The following RPS6KA2 variants were observed in gnomAD, a reference collection of about 807,000 sequenced individuals.
RPS6KA2 encodes the protein ribosomal protein S6 kinase A2, also known as ribosomal protein S6 kinase alpha-2.
RPS6KA2 carries 42 observed loss-of-function variants against 91.8 expected under a neutral mutation model. The ratio of observed to expected loss-of-function variants is 0.46; its 90% CI spans 0.36 to 0.59. The LOEUF (loss-of-function observed/expected upper bound fraction) is 0.59. Among genes scored for constraint, RPS6KA2 ranks in the 20% least tolerant of loss-of-function variants. The pLI, the probability that RPS6KA2 is intolerant of heterozygous loss-of-function variation, is 0.00. For missense variants in RPS6KA2, 798 were observed against 978.5 expected (o/e 0.82, Z 2.46); for synonymous variants, 414 against 393.6 (o/e 1.05, Z -0.61).
intron 1 of RPS6KA2, among the ~76,000 whole-genome samples, chr6:166,625,916 A>G (rs1786855219): frequency 6.6e-6 from 1 of 152,284 alleles, no homozygotes; most frequent in South Asian, 2.1e-4. Context: ...AGGTCTCTCA[A>G]TGGTTACAGA....
intron 1 of RPS6KA2, among the ~76,000 whole-genome samples, chr6:166,588,427 TC>T (rs1785250832): frequency 6.6e-6 from 1 of 151,982 alleles, no homozygotes; most frequent in Non-Finnish European, 1.5e-5. Context: ...ACACAGAGCA[TC>T]ATGCACCTGA....
intron 1 of RPS6KA2, among the ~76,000 whole-genome samples, chr6:166,861,192 C>T (rs1240847018): frequency 1.3e-5 from 2 of 152,100 alleles, no homozygotes; most frequent in Non-Finnish European, 2.9e-5. Context: ...TCAAGACGTA[C>T]ATATAAGAAT....
At chr6:166,830,131 AAAAAAAAAAAGAAAGAAAG>A (rs1438802018) in intron 2 of RPS6KA2, among the ~76,000 whole-genome samples, 1 of 130,456 alleles carries the variant, frequency 7.7e-6, no homozygotes, top group Non-Finnish European at 1.6e-5. Context: ...ATTTCAAAAA[AAAAAAAAAAAGAAAGAAAG>A]AAAGAAAGAA....
intron 2 of RPS6KA2, among the ~76,000 whole-genome samples, chr6:166,751,850 G>C (rs1052291282): frequency 3.3e-5 from 5 of 151,514 alleles, no homozygotes; most frequent in Non-Finnish European, 5.9e-5. Flanking sequence ...GTCAGGCCCT[G>C]TGGACCAAGG....
intron 1 of RPS6KA2, among the ~76,000 whole-genome samples, chr6:166,625,143 T>C (rs1192776056): frequency 1.3e-5 from 2 of 152,150 alleles, no homozygotes; most frequent in Non-Finnish European, 2.9e-5. Context: ...TTATTGACCA[T>C]CTTAGTGAGA....
At chr6:166,703,119 T>G (rs562699421) in intron 2 of RPS6KA2, among the ~76,000 whole-genome samples, 45 of 152,340 alleles carry the variant, frequency 3.0e-4, no homozygotes, top group African/African-American at 1.1e-3. Flanking sequence ...TCACAGTCAT[T>G]TTTTAACCAT....
chr6:166,855,305 G>T (rs1780857864), intron 2 of RPS6KA2, among the ~76,000 whole-genome samples: 1 of 151,582 alleles, frequency 6.6e-6, no homozygotes, highest in Admixed American at 6.6e-5. Context: ...TAACGAAACT[G>T]CATTTATACT....
At chr6:166,627,354 G>T, upstream of RPS6KA2, 1 of 376,860 alleles carries the variant, frequency 2.7e-6, no homozygotes, top group Non-Finnish European at 3.6e-6. Context: ...CTCCTCCTCC[G>T]CCCCGCCCCG....
At chr6:166,581,755 G>A (rs1420469769) in intron 1 of RPS6KA2, among the ~76,000 whole-genome samples, 1 of 147,306 alleles carries the variant, frequency 6.8e-6, no homozygotes, top group Non-Finnish European at 1.5e-5. Flanking sequence ...CTGGGCAGGA[G>A]GGCACGGGGA....
At chr6:166,751,266 C>T (rs747922566) in intron 2 of RPS6KA2, among the ~76,000 whole-genome samples, 7 of 152,374 alleles carry the variant, frequency 4.6e-5, no homozygotes, top group Admixed American at 3.3e-4. Flanking sequence ...GCAAGACCAG[C>T]GCCCTCTGGC....
intron 3 of RPS6KA2, among the ~76,000 whole-genome samples, chr6:166,521,973 T>C (rs764807193): frequency 2.6e-5 from 4 of 152,098 alleles, no homozygotes; most frequent in Non-Finnish European, 5.9e-5. Context: ...CCCAGAGAGC[T>C]CATTCATGCC....
At chr6:166,625,365 T>G (rs1786834629) in intron 1 of RPS6KA2, among the ~76,000 whole-genome samples, 1 of 111,650 alleles carries the variant, frequency 9.0e-6, no homozygotes, top group Non-Finnish European at 1.7e-5. Context: ...CTGTATTCTT[T>G]CCGGAGGCAC....
rs141769306 is a variant in RPS6KA2 at position 166,554,871 on chromosome 6, C to T, written c.100-16087G>A. ...AGATTGCCCACCGCATGAAAAATGT[C>T]TCCAGTTTTACAAAGGTCAATTGGT... On this transcript the variant is annotated intron_variant, in intron 1 of 20. Transcript: ENST00000265678. This position sits in a 1 kb window ranked among gnomAD's most constrained non-coding sequence, Gnocchi z 4.3. 1.4e-4 allele frequency among the ~76,000 whole-genome samples: 21 copies of T among 152,346 alleles called. No homozygotes were observed. The Middle Eastern group carries it at 0.01, about 74-fold the overall frequency.
intron 2 of RPS6KA2, among the ~76,000 whole-genome samples, chr6:166,693,800 G>T (rs1313665315): frequency 6.6e-6 from 1 of 152,094 alleles, no homozygotes; most frequent in African/African-American, 2.4e-5. Flanking sequence ...AGGGAGAAAG[G>T]CCACAAAAAT....
chr6:166,421,060 C>T (rs997827322), intron 17 of RPS6KA2, among the ~76,000 whole-genome samples: 3 of 152,182 alleles, frequency 2.0e-5, no homozygotes, highest in Non-Finnish European at 2.9e-5. Flanking sequence ...GGGGACCAGC[C>T]AGCGCATGCT....
At chr6:166,705,068 T>C (rs760225436) in intron 2 of RPS6KA2, among the ~76,000 whole-genome samples, 6 of 152,220 alleles carry the variant, frequency 3.9e-5, no homozygotes, top group Non-Finnish European at 7.3e-5. Flanking sequence ...TCTCAGGTAC[T>C]TTCTTCTGAG....
chr6:166,642,722 C>T (rs1373122625), intron 2 of RPS6KA2, among the ~76,000 whole-genome samples: 2 of 151,904 alleles, frequency 1.3e-5, no homozygotes, highest in Non-Finnish European at 2.9e-5. Flanking sequence ...AGTAAGAAAG[C>T]AGGAAAAAAG....
intron 2 of RPS6KA2, among the ~76,000 whole-genome samples, chr6:166,787,975 C>CAAA (rs3066794): frequency 0.04 from 3,125 of 78,846 alleles, 66 homozygotes; most frequent in Non-Finnish European, 0.061. Context: ...AACAAATTTA[C>CAAA]AAAAAAAAAA....
chr6:166,686,298 C>T (rs552417426), intron 2 of RPS6KA2, among the ~76,000 whole-genome samples: 2 of 152,224 alleles, frequency 1.3e-5, no homozygotes, highest in Admixed American at 6.5e-5. Flanking sequence ...CAAAGCAACC[C>T]GACCTCTCCT....
Sources: gnomAD v4.1 joint callset for allele counts (sites outside exome capture counted in the v4.1 genomes callset) on GRCh38, gnomAD v4.1.1 for gene constraint, Gnocchi (gnomAD v3.1) non-coding constraint, MANE v1.5 for transcripts, NCBI Gene and HGNC (gene_info 2026-07-23, HGNC 2026-07-21) for gene names.